Variants in DIP2A observed in about 807,000 individuals in gnomAD.
DIP2A encodes the protein DIP2 acetate--CoA ligase A.
Under a neutral mutation model 177.4 loss-of-function variants are expected in DIP2A, and 85 were observed. That is an observed-to-expected ratio of 0.48 (90% confidence interval 0.40 to 0.57). The LOEUF (loss-of-function observed/expected upper bound fraction) is 0.57, where lower values mean the gene tolerates loss of function less well. Ranked by LOEUF, DIP2A falls within the 20% of genes least tolerant of loss-of-function variation. The probability of loss-of-function intolerance (pLI) is 0.00; values close to 1 mark genes in which losing one functional copy is unlikely to be tolerated. For missense variants in DIP2A, 1,791 were observed against 2,100.2 expected (o/e 0.85, Z 2.88); for synonymous variants, 886 against 881.8 (o/e 1.00, Z -0.08).
intron 18 of DIP2A, 77 bp from the exon 19 acceptor site, chr21:46,545,060 A>C: frequency 7.0e-7 from 1 of 1,431,050 alleles, no homozygotes; most frequent in East Asian, 2.4e-5. Context: ...AACCGCACAT[A>C]CAGCAGCAAG....
intron 25 of DIP2A, 122 bp downstream of exon 25, chr21:46,552,026 G>A (rs1473647793): frequency 8.6e-7 from 1 of 1,166,520 alleles, no homozygotes; most frequent in African/African-American, 1.5e-5. Context: ...GGGTGCCTGT[G>A]GACTCAGCCC....
At chr21:46,499,750 T>C (rs576720977) in intron 5 of DIP2A, among the ~76,000 whole-genome samples, 1 of 152,332 alleles carries the variant, frequency 6.6e-6, no homozygotes, top group African/African-American at 2.4e-5. Context: ...CTTGCACAAG[T>C]ACCTTAAAAT....
Position 46,459,004 on chromosome 21 carries a change from C to T in DIP2A, c.-128C>T, listed in dbSNP as rs1256884127. The T allele has an allele frequency of 1.3e-5, 10 of 763,752 alleles. No homozygotes were observed. The highest frequency in any genetic ancestry group is 6.9e-5 in the East Asian group (2 of 28,814). 47.3% of individuals were successfully genotyped at this position (763,752 alleles called of 1,614,324 possible). A position where few individuals can be genotyped will look rare whatever the true frequency, so the allele number is the denominator to read the frequency against. On this transcript the variant is annotated 5_prime_UTR_variant, in exon 1 of 38. Transcript: ENST00000417564. Reference sequence around the variant, plus strand: ...TGTCCTGGCCGCGCCCCTGTCCCGCCGCCTCCCGCTCCTCGCCTGGCGGAT... The same window carrying T: ...TGTCCTGGCCGCGCCCCTGTCCCGCTGCCTCCCGCTCCTCGCCTGGCGGAT...
chr21:46,490,686 C>A lies in DIP2A; in HGVS notation c.250C>A (p.Pro84Thr). The A allele has an allele frequency of 6.3e-7, 1 of 1,587,054 alleles. No homozygotes were observed. ...AAAPKQQKSRPTASRDERFRS... is the reference protein window; with the variant it reads ...AAAPKQQKSRTTASRDERFRS... ...TGCACCCAAGCAGCAGAAGTCTCGG[C>A]CCACCGCCTCGAGGGATGAGCGCTT... Residue 84 changes from proline to threonine, a missense_variant, in exon 3 of 38, where the codon CCC (proline) becomes ACC (threonine). Physicochemically the swap from Pro to Thr is conservative, Grantham distance 38. Coordinates refer to ENST00000417564, the MANE Select transcript of DIP2A (RefSeq NM_015151.4).
In DIP2A at chr21:46,475,499, G is replaced by A. The variant is rs557934666; in HGVS notation, c.92-9258G>A. Among the ~76,000 whole-genome samples, 272 of 152,342 alleles carry A rather than the reference G, an allele frequency of 1.8e-3. 1 individual carries two copies. The highest frequency in any genetic ancestry group is 0.012 in the South Asian group (57 of 4,826). ...TATGGCAGACATTCATATTGAGCAAGTACTCTCTGGTCCTTGGAAAGTGCA... is the reference window on the plus strand; with the variant it reads ...TATGGCAGACATTCATATTGAGCAAATACTCTCTGGTCCTTGGAAAGTGCA... On this transcript the variant is annotated intron_variant, in intron 1 of 37. Coordinates refer to ENST00000417564, the MANE Select transcript of DIP2A (RefSeq NM_015151.4).
Position 46,556,864 on chromosome 21 carries a change from G to A in DIP2A, c.3499-75G>A, listed in dbSNP as rs1399403529. 35 of 1,333,084 alleles carry A rather than the reference G, an allele frequency of 2.6e-5. No homozygotes were observed. The highest frequency in any genetic ancestry group is 7.0e-5 in the South Asian group (5 of 71,680). The allele number at this position is 1,333,084 out of a possible 1,614,324, so 82.6% of individuals were successfully genotyped here. A position where few individuals can be genotyped will look rare whatever the true frequency, so the allele number is the denominator to read the frequency against. On this transcript the variant is annotated intron_variant, in intron 29 of 37. Transcript: ENST00000417564. This position sits in a 1 kb window ranked among gnomAD's most constrained non-coding sequence, Gnocchi z 4.5. ...GCTATGGTCTAGCCATGTGAACAGC[G>A]GACACTGCCATCCACCCTCTCCCCT...
Position 46,566,597 on chromosome 21 carries a change from T to G in DIP2A, c.4377T>G (p.Asp1459Glu). The G allele has an allele frequency of 1.2e-6, 2 of 1,614,122 alleles. No individual in the cohort carries two copies. Residue 1459 changes from aspartate to glutamate, a missense_variant, in exon 37 of 38, where the codon GAT becomes GAG. Physicochemically the swap from Asp to Glu is conservative, Grantham distance 45. Coordinates refer to ENST00000417564, the MANE Select transcript of DIP2A (RefSeq NM_015151.4). Reference protein sequence around the residue: ...HDALYVVGSLDETLELRGMRY... With the variant: ...HDALYVVGSLEETLELRGMRY... ...CACTGTATGTGGTTGGGTCTCTGGA[T>G]GAAACTCTGGAGCTCAGAGGCATGC...
chr21:46,532,299 T>G, intron 10 of DIP2A, 62 bp downstream of exon 10: 1 of 1,363,928 alleles, frequency 7.3e-7, no homozygotes, highest in Non-Finnish European at 1.0e-6. Flanking sequence ...CAGCAGTATC[T>G]TACTTCCTTT....
rs895609139 is a variant in DIP2A, at chr21:46,567,890, A to G, written c.*268A>G. 7.7e-6 allele frequency: 3 copies of G among 388,840 alleles called. No homozygotes were observed. Among genetic ancestry groups the G allele is most frequent in the Non-Finnish European group, 1.4e-5 (3 of 221,910 alleles). The allele number at this position is 388,840 out of a possible 1,614,324, so 24.1% of individuals were successfully genotyped here. ...AAGGAAAGGAAAGGAAAGGCCTGGC[A>G]TGGGCATTGTGAGGAATCACAGGCA... On this transcript the variant is annotated 3_prime_UTR_variant, in exon 38 of 38. Coordinates refer to ENST00000417564, the MANE Select transcript of DIP2A (RefSeq NM_015151.4).
intron 7 of DIP2A, among the ~76,000 whole-genome samples, chr21:46,510,565 C>T (rs1464518806): frequency 6.7e-6 from 1 of 149,498 alleles, no homozygotes; most frequent in Non-Finnish European, 1.5e-5. Context: ...AAGATTAATT[C>T]TTTTTAAAGT....
Position 46,557,878 on chromosome 21 carries a change from T to C in DIP2A, c.3798+125T>C. ...CAGTTGGAGGAAGTAGAGAAAACCC[T>C]TTCCCACTAGGGGCCCTATGTACAC... On this transcript the variant is annotated intron_variant, in intron 31 of 37. Transcript: ENST00000417564. The surrounding 1 kb of genome is among the most constrained non-coding windows in gnomAD (Gnocchi z 6.0). 1 of 1,234,264 alleles carries C rather than the reference T, an allele frequency of 8.1e-7. No homozygotes were observed. The highest frequency in any genetic ancestry group is 1.1e-6 in the Non-Finnish European group (1 of 905,528). 76.5% of individuals were successfully genotyped at this position (1,234,264 alleles called of 1,614,324 possible). A position where few individuals can be genotyped will look rare whatever the true frequency, so the allele number is the denominator to read the frequency against.
chr21:46,491,640 C>T (rs763981222), intron 3 of DIP2A, among the ~76,000 whole-genome samples: 20 of 152,178 alleles, frequency 1.3e-4, no homozygotes, highest in Non-Finnish European at 1.3e-4. Context: ...GAGATGGCCG[C>T]CCTCAGCATT....
chr21:46,533,782 A>T, intron 11 of DIP2A, 135 bp downstream of exon 11: 1 of 1,373,662 alleles, frequency 7.3e-7, no homozygotes, highest in Non-Finnish European at 1.0e-6. Context: ...GTCCTTGGTG[A>T]ATCTCGGTTT....
intron 25 of DIP2A, among the ~76,000 whole-genome samples, chr21:46,552,475 T>G (rs2060308017): frequency 6.6e-6 from 1 of 152,176 alleles, no homozygotes; most frequent in African/African-American, 2.4e-5. Flanking sequence ...TGGGCAGGAA[T>G]GCGAAATGCG....
chr21:46,482,811 C>A (rs1372813816), intron 1 of DIP2A, among the ~76,000 whole-genome samples: 2 of 152,196 alleles, frequency 1.3e-5, no homozygotes, highest in Non-Finnish European at 2.9e-5. Flanking sequence ...TGAGATTCTT[C>A]TGCAGCAGTG....
chr21:46,516,242 G>A (rs950954922), intron 8 of DIP2A, among the ~76,000 whole-genome samples: 1 of 152,044 alleles, frequency 6.6e-6, no homozygotes, highest in Non-Finnish European at 1.5e-5. Context: ...AGGGCTTCTT[G>A]AATCTGTAGA....
At position 46,523,393 on chromosome 21, in the gene DIP2A, ATTTTTTTTT is replaced by A. The variant is rs61370008; in HGVS notation, c.1103-5682_1103-5674del. Among the ~76,000 whole-genome samples the A allele has an allele frequency of 7.8e-5, 7 of 89,914 alleles. No individual in the cohort carries two copies. The South Asian group carries it at 1.3e-3, about 16-fold the overall frequency. The allele number at this position is 89,914 out of a possible 152,430, so 59.0% of individuals were successfully genotyped here. On this transcript the variant is annotated intron_variant, in intron 8 of 37. Transcript: ENST00000417564. ...AGGATTACAGGCGTGCGCCTGGCTA[ATTTTTTTTT>A]TTTTTTTTTTTTTTTTGTATTTTTA... is the stretch of plus-strand genomic sequence containing the variant.
chr21:46,470,868 G>A (rs570670690), intron 1 of DIP2A, among the ~76,000 whole-genome samples: 2 of 150,678 alleles, frequency 1.3e-5, no homozygotes, highest in Non-Finnish European at 2.9e-5. Context: ...GGCGGAGGTT[G>A]CAGTGAGCCA....
Position 46,498,443 on chromosome 21 carries a change from G to C in DIP2A, c.404-139G>C, listed in dbSNP as rs1173094794. ...ATTGAGGGTGACCTTTGAGCTGACT[G>C]CGTGGCTTTGGGCAGAGCTGTGCCA... is the stretch of plus-strand genomic sequence containing the variant. On this transcript the variant is annotated intron_variant, in intron 4 of 37. Coordinates refer to ENST00000417564, the MANE Select transcript of DIP2A (RefSeq NM_015151.4). This position sits in a 1 kb window ranked among gnomAD's most constrained non-coding sequence, Gnocchi z 4.3. 9.7e-7 allele frequency: 1 copy of C among 1,027,376 alleles called. No individual in the cohort carries two copies. The highest frequency in any genetic ancestry group is 1.4e-6 in the Non-Finnish European group (1 of 701,460). 63.6% of individuals were successfully genotyped at this position (1,027,376 alleles called of 1,614,324 possible).
Sources: gnomAD v4.1 joint callset for allele counts (sites outside exome capture counted in the v4.1 genomes callset) on GRCh38, gnomAD v4.1.1 for gene constraint, Gnocchi (gnomAD v3.1) non-coding constraint, MANE v1.5 for transcripts, NCBI Gene and HGNC (gene_info 2026-07-23, HGNC 2026-07-21) for gene names.